The following DOCK9 variants were observed in gnomAD, a reference collection of about 807,000 sequenced individuals.
The protein encoded by DOCK9 is dedicator of cytokinesis 9.
A neutral mutation model predicts 263.3 loss-of-function variants in DOCK9; 89 were observed. That is an observed-to-expected ratio of 0.34 (90% CI 0.28 to 0.40). The LOEUF is 0.40. DOCK9 is among the 10% of genes least tolerant of loss of function. The pLI, the probability that DOCK9 is intolerant of heterozygous loss-of-function variation, is 1.00. For synonymous variants in DOCK9, 976 were observed against 973.1 expected, an observed-to-expected ratio of 1.00 and a Z score of -0.06; for missense variants, 2,140 against 2,603.4, an observed-to-expected ratio of 0.82 and a Z score of 3.87.
At chr13:98,897,136 C>T (rs906336224) in intron 15 of DOCK9, among the ~76,000 whole-genome samples, 1 of 152,158 alleles carries the variant, frequency 6.6e-6, no homozygotes, top group Admixed American at 6.5e-5. Flanking sequence ...CTCTTTGGCA[C>T]GACTTGAATT....
chr13:98,922,637 G>A (rs1361931906), intron 5 of DOCK9, among the ~76,000 whole-genome samples: 1 of 152,172 alleles, frequency 6.6e-6, no homozygotes, highest in African/African-American at 2.4e-5. Context: ...AGTGATGGGG[G>A]GAATAAAAAT....
At chr13:98,870,032 G>T (rs546153580) in intron 27 of DOCK9, among the ~76,000 whole-genome samples, 1 of 152,230 alleles carries the variant, frequency 6.6e-6, no homozygotes, top group Non-Finnish European at 1.5e-5. Context: ...AGAGAGAAAT[G>T]AACCTTCTGT....
At chr13:99,074,063 T>C (rs372882783) in intron 1 of DOCK9, among the ~76,000 whole-genome samples, 3 of 152,246 alleles carry the variant, frequency 2.0e-5, no homozygotes, top group African/African-American at 7.2e-5. Context: ...TGTGCCCACA[T>C]AAAAGCTGCA....
At chr13:99,068,475 C>T (rs529765403) in intron 1 of DOCK9, among the ~76,000 whole-genome samples, 1 of 152,280 alleles carries the variant, frequency 6.6e-6, no homozygotes, top group Non-Finnish European at 1.5e-5. Flanking sequence ...ATCCCAGGTA[C>T]TGGGGAGGCT....
Position 98,825,907 on chromosome 13 carries a change from T to TG in DOCK9, c.5023+922dup. 3 of 1,555,126 alleles carry TG rather than the reference T, an allele frequency of 1.9e-6. No homozygotes were observed. The highest frequency in any genetic ancestry group is 8.7e-7 in the Non-Finnish European group (1 of 1,149,582). Reference sequence around the variant, plus strand: ...CCTCCTCAGGCAGGCGCTATGGCTGTGGGGGAGAAGGGGCGGCTCCCACTG... The same window carrying TG: ...CCTCCTCAGGCAGGCGCTATGGCTGTGGGGGGAGAAGGGGCGGCTCCCACTG... On this transcript the variant is annotated intron_variant, in intron 44 of 52. Coordinates refer to ENST00000682017, the MANE Select transcript of DOCK9 (RefSeq NM_001366683.2). The surrounding 1 kb of genome is among the most constrained non-coding windows in gnomAD (Gnocchi z 4.1).
At chr13:98,995,485 CTTT>C (rs140398881) in intron 1 of DOCK9, among the ~76,000 whole-genome samples, 41,062 of 120,452 alleles carry the variant, frequency 0.34, 5,689 homozygotes, top group African/African-American at 0.42. Context: ...GAGGAAGATA[CTTT>C]TTTTTTTTTT....
chr13:99,052,233 T>G (rs547508949), intron 1 of DOCK9, among the ~76,000 whole-genome samples: 1 of 151,820 alleles, frequency 6.6e-6, no homozygotes, highest in Non-Finnish European at 1.5e-5. Flanking sequence ...AAGGTAGGAG[T>G]GTGCCCTGTC....
intron 36 of DOCK9, among the ~76,000 whole-genome samples, chr13:98,849,399 C>T (rs2093492053): frequency 6.6e-6 from 1 of 150,706 alleles, no homozygotes; most frequent in African/African-American, 2.4e-5. Context: ...ATGATTTATT[C>T]AATTATTATG....
intron 1 of DOCK9, chr13:99,086,170 A>G: frequency 7.0e-7 from 1 of 1,436,966 alleles, no homozygotes; most frequent in East Asian, 3.0e-5. Context: ...CGGGGCCCGC[A>G]GCTGCCTGCG....
intron 48 of DOCK9, among the ~76,000 whole-genome samples, chr13:98,806,936 A>G (rs2090790536): frequency 1.3e-5 from 2 of 151,996 alleles, no homozygotes; most frequent in African/African-American, 4.8e-5. Flanking sequence ...TATTATTTGT[A>G]TTTTAGAAAA....
At position 98,870,957 on chromosome 13, in the gene DOCK9, C is replaced by T. The variant is rs373929296; in HGVS notation, c.2944-2580G>A. On this transcript the variant is annotated intron_variant, in intron 27 of 52. Coordinates refer to ENST00000682017, the MANE Select transcript of DOCK9 (RefSeq NM_001366683.2). ...AGAACAGTTTAAGAATCAAAGAAAC[C>T]TCAGAAACACAGCAACTAAATGCAA... 1.6e-3 allele frequency among the ~76,000 whole-genome samples: 236 copies of T among 151,128 alleles called. 6 individuals are homozygous for T. In the South Asian group the frequency reaches 0.043, roughly 27 times the overall value.
rs71114576 is a variant in DOCK9 at position 99,060,062 on chromosome 13, C to CTTTT, written c.129+26157_129+26160dup. Among the ~76,000 whole-genome samples, 343 of 61,454 alleles carry CTTTT rather than the reference C, an allele frequency of 5.6e-3. 70 individuals are homozygous for CTTTT. The highest frequency in any genetic ancestry group is 0.025 in the African/African-American group (315 of 12,590). 40.3% of individuals were successfully genotyped at this position (61,454 alleles called of 152,430 possible). On this transcript the variant is annotated intron_variant, in intron 1 of 32. Coordinates refer to the DOCK9 transcript ENST00000427887. The stretch of plus-strand genomic sequence containing the variant: ...AGTTACAGACATTTGATTGTTTCTA[C>CTTTT]TTTTTTTTTTTTTTTTTTTTTTTTT...
chr13:98,901,156 C>T lies in DOCK9; in HGVS notation c.1503+622G>A, dbSNP rs1202314533. Among the ~76,000 whole-genome samples the T allele has an allele frequency of 3.9e-5, 6 of 152,322 alleles. No individual in the cohort carries two copies. The South Asian group carries it at 1.2e-3, about 32-fold the overall frequency. On this transcript the variant is annotated intron_variant, in intron 13 of 52. Coordinates refer to ENST00000682017, the MANE Select transcript of DOCK9 (RefSeq NM_001366683.2). ...ACTAAGCCTTGGTGAGCCTCAGTGT[C>T]CTGAAATATGAAAGCACATCTTGGA...
At chr13:98,818,983 C>T (rs975217320) in intron 45 of DOCK9, among the ~76,000 whole-genome samples, 2 of 152,162 alleles carry the variant, frequency 1.3e-5, no homozygotes, top group African/African-American at 4.8e-5. Context: ...AGCTAGATGC[C>T]ATCGGTATTA....
At chr13:99,044,716 T>G (rs952784272) in intron 1 of DOCK9, among the ~76,000 whole-genome samples, 1 of 152,230 alleles carries the variant, frequency 6.6e-6, no homozygotes, top group Non-Finnish European at 1.5e-5. Context: ...TTGGGCTCCC[T>G]TATTAACAAT....
rs771537510 is a variant in DOCK9 at position 98,860,388 on chromosome 13, A to G, written c.3697+17T>C. The G allele has an allele frequency of 1.9e-6, 3 of 1,566,310 alleles. No homozygotes were observed. The highest frequency in any genetic ancestry group is 2.6e-6 in the Non-Finnish European group (3 of 1,154,296). ...GAGTGATGGTGGAGAGAAGCCCACAAGAGCATGGAGCGTTACCAATGCCGG... is the reference window on the plus strand; with the variant it reads ...GAGTGATGGTGGAGAGAAGCCCACAGGAGCATGGAGCGTTACCAATGCCGG... On this transcript the variant is annotated intron_variant, in intron 33 of 52. Transcript: ENST00000682017.
In DOCK9 at chr13:98,904,658, G is replaced by A. The variant is rs751251136; in HGVS notation, c.1009C>T (p.Leu337Phe). The part of the protein sequence containing the change: ...IKLKSESRVK[L>F]FYLDPDAQKL... Reference sequence around the variant, plus strand: ...TGGGCATCTGGGTCCAAATAAAAAAGTTTGACTCTGCTTTCACTTTTCAGT... The same window carrying A: ...TGGGCATCTGGGTCCAAATAAAAAAATTTGACTCTGCTTTCACTTTTCAGT... The change falls in exon 10 of 53, where the codon CTT (leucine) becomes TTT (phenylalanine). Residue 337 changes from leucine (L) to phenylalanine (F), a missense_variant. Transcript: ENST00000682017. 6.4e-7 allele frequency: 1 copy of A among 1,557,596 alleles called. No individual in the cohort carries two copies. Among genetic ancestry groups the A allele is most frequent in the Non-Finnish European group, 8.7e-7 (1 of 1,149,478 alleles).
intron 2 of DOCK9, among the ~76,000 whole-genome samples, chr13:98,951,752 A>T (rs2057434322): frequency 6.6e-6 from 1 of 152,236 alleles, no homozygotes. Context: ...AAGGAGAACC[A>T]TGAAGCCAAA....
intron 1 of DOCK9, among the ~76,000 whole-genome samples, chr13:99,084,567 C>A (rs1442331022): frequency 6.6e-6 from 1 of 152,206 alleles, no homozygotes; most frequent in Non-Finnish European, 1.5e-5. Context: ...CCTAGGTCAC[C>A]ATTAGTAGGC....
Sources: allele counts gnomAD v4.1 joint callset (sites outside exome capture counted in the v4.1 genomes callset), GRCh38; gene constraint gnomAD v4.1.1; non-coding constraint Gnocchi (gnomAD v3.1); transcripts MANE v1.5; gene names NCBI Gene and HGNC (gene_info 2026-07-23, HGNC 2026-07-21).